Variants in UQCC4 observed in about 807,000 individuals in gnomAD.
UQCC4 encodes ubiquinol-cytochrome c reductase complex assembly factor 4, also known as cattle cerebrum and skeletal muscle-specific protein 1 family member.
the UQCC4 span, chr16:1,420,022 C>A: frequency 1.0e-5 from 16 of 1,607,984 alleles, no homozygotes; most frequent in Non-Finnish European, 1.2e-5. Flanking sequence ...GAAGTCTTGC[C>A]GATGGAATCC....
chr16:1,420,726 C>T, the UQCC4 span: 1 of 1,538,840 alleles, frequency 6.5e-7, no homozygotes. Context: ...CGATTCATTG[C>T]TGCCTTGACT....
chr16:1,420,691 C>A, the UQCC4 span: 2 of 1,545,962 alleles, frequency 1.3e-6, no homozygotes, highest in Admixed American at 3.9e-5. Flanking sequence ...GAGGAGCTCA[C>A]CCGGCCGCCG....
the UQCC4 span, chr16:1,419,906 G>A: frequency 7.0e-7 from 1 of 1,434,900 alleles, no homozygotes. Context: ...ACTAACACTG[G>A]ATGACAAGTG....
At chr16:1,419,786 G>A in the UQCC4 span, 32 of 662,868 alleles carry the variant, frequency 4.8e-5, 1 homozygote, top group South Asian at 6.0e-4. Context: ...ATTTTCATTT[G>A]TTGTTGTGTA....
chr16:1,420,673 G>A, the UQCC4 span: 1 of 1,548,744 alleles, frequency 6.5e-7, no homozygotes, highest in South Asian at 1.2e-5. Context: ...TCGGCCCTCC[G>A]AGACCTTGAG....
At chr16:1,420,237 G>T in the UQCC4 span, 1 of 1,613,396 alleles carries the variant, frequency 6.2e-7, no homozygotes, top group Middle Eastern at 1.7e-4. Flanking sequence ...AGCCCCAGCG[G>T]GCACCCCGTC....
the UQCC4 span, chr16:1,420,653 G>A: frequency 6.4e-7 from 1 of 1,551,182 alleles, no homozygotes; most frequent in African/African-American, 1.4e-5. Flanking sequence ...CCGCCCGCCG[G>A]TGTCTGCCCT....
chr16:1,420,183 C>G, the UQCC4 span: 10 of 1,614,166 alleles, frequency 6.2e-6, no homozygotes, highest in Non-Finnish European at 8.5e-6. Flanking sequence ...CACGGGCAAA[C>G]GTGACATCAA....
chr16:1,420,739 T>G, the UQCC4 span: 68 of 1,536,574 alleles, frequency 4.4e-5, no homozygotes, highest in Non-Finnish European at 5.7e-5. Flanking sequence ...CCTTGACTCC[T>G]CGACTGACGC....
the UQCC4 span, chr16:1,420,435 C>G: frequency 6.2e-7 from 1 of 1,614,250 alleles, no homozygotes. Flanking sequence ...GCTGATGTCC[C>G]TTTCCCATGG....
At chr16:1,420,458 A>T in the UQCC4 span, 4 of 1,614,194 alleles carry the variant, frequency 2.5e-6, no homozygotes, top group Non-Finnish European at 3.4e-6. Flanking sequence ...TGGCCCACCG[A>T]CCAGCGGTGA....
the UQCC4 span, chr16:1,420,512 C>T: frequency 5.6e-6 from 9 of 1,614,218 alleles, no homozygotes; most frequent in Non-Finnish European, 7.6e-6. Flanking sequence ...CGGTCAGGGT[C>T]GTCCTCTTCC....
the UQCC4 span, chr16:1,420,031 C>T: frequency 8.7e-6 from 14 of 1,610,156 alleles, no homozygotes; most frequent in South Asian, 1.4e-4. Context: ...CCGATGGAAT[C>T]CTTGGACATC....
the UQCC4 span, chr16:1,420,363 G>A: frequency 2.5e-6 from 4 of 1,614,092 alleles, no homozygotes; most frequent in African/African-American, 4.0e-5. Flanking sequence ...CCTCCCTCAG[G>A]TAGCACCAGA....
At chr16:1,419,829 C>A in the UQCC4 span, 64 of 1,182,952 alleles carry the variant, frequency 5.4e-5, 1 homozygote, top group South Asian at 7.0e-4. Context: ...CTTGCACAGG[C>A]CGCAGCATGC....
chr16:1,419,895 A>G, the UQCC4 span: 1 of 1,407,822 alleles, frequency 7.1e-7, no homozygotes, highest in Non-Finnish European at 9.5e-7. Flanking sequence ...ATTACCTGCA[A>G]ACTAACACTG....
chr16:1,420,330 C>A, the UQCC4 span: 1 of 1,614,204 alleles, frequency 6.2e-7, no homozygotes, highest in Non-Finnish European at 8.5e-7. Context: ...ACACCTGTCT[C>A]AACCACTGGT....
chr16:1,420,600 C>A, the UQCC4 span: 1 of 1,584,088 alleles, frequency 6.3e-7, no homozygotes, highest in South Asian at 1.1e-5. Context: ...TGAGCCTCAG[C>A]GCCCGGACGG....
the UQCC4 span, chr16:1,420,683 G>A: frequency 1.3e-6 from 2 of 1,547,464 alleles, no homozygotes; most frequent in Non-Finnish European, 1.7e-6. Flanking sequence ...GAGACCTTGA[G>A]GAGCTCACCC....
Sources: gnomAD v4.1 joint callset for allele counts on GRCh38, gnomAD v4.1.1 for gene constraint, MANE v1.5 for transcripts, NCBI Gene and HGNC (gene_info 2026-07-23, HGNC 2026-07-21) for gene names.